MYRFL: variants seen among roughly 807,000 people sequenced by gnomAD.
MYRFL encodes the protein myelin regulatory factor like.
Under a neutral mutation model 109.4 loss-of-function variants are expected in MYRFL, and 88 were observed. The observed-to-expected ratio is 0.80, with a 90% CI of 0.68 to 0.96. The LOEUF (loss-of-function observed/expected upper bound fraction) is 0.96. Ranked by LOEUF, MYRFL falls within the 40% of genes least tolerant of loss-of-function variation. The pLI, the probability that MYRFL is intolerant of heterozygous loss-of-function variation, is 0.00. For synonymous variants in MYRFL, 324 were observed against 320.9 expected (o/e 1.01, Z -0.10); for missense variants, 957 against 954.9 (o/e 1.00, Z -0.03).
At chr12:69,929,687 G>A (rs1955212585) in intron 15 of MYRFL, among the ~76,000 whole-genome samples, 1 of 152,186 alleles carries the variant, frequency 6.6e-6, no homozygotes, top group South Asian at 2.1e-4. Context: ...TAAAAAGGAG[G>A]CAGCATAGCA....
At position 69,879,202 on chromosome 12, in the gene MYRFL, C is replaced by T. The variant is rs1251540048; in HGVS notation, c.213C>T (p.Cys71=). Reference sequence around the variant, plus strand: ...GCTTGTGTCTCTCCCCAGGTGCATGCTACCCAACCCTGAGGCCCACAGCTG... The same window carrying T: ...GCTTGTGTCTCTCCCCAGGTGCATGTTACCCAACCCTGAGGCCCACAGCTG... ...SCSPPQVKGA[C]YPTLRPTAGR... The change falls in exon 4 of 25, where the codon TGC becomes TGT. Residue 71 remains cysteine, a synonymous_variant. Transcript: ENST00000552032. 1.4e-6 allele frequency: 1 copy of T among 702,822 alleles called. No homozygotes were observed. Among genetic ancestry groups the T allele is most frequent in the Non-Finnish European group, 2.6e-6 (1 of 384,798 alleles). The allele number at this position is 702,822 out of a possible 1,614,324, so 43.5% of individuals were successfully genotyped here. A position where few individuals can be genotyped will look rare whatever the true frequency, so the allele number is the denominator to read the frequency against.
Position 69,891,637 on chromosome 12 carries a change from TTTTCTTTC to T in MYRFL, c.903+512_903+519del, listed in dbSNP as rs3970813. Among the ~76,000 whole-genome samples the T allele has an allele frequency of 3.3e-4, 18 of 53,788 alleles. 1 individual carries two copies. In the Admixed American group the frequency reaches 3.4e-3, roughly 10 times the overall value. The allele number at this position is 53,788 out of a possible 152,430, so 35.3% of individuals were successfully genotyped here. A position where few individuals can be genotyped will look rare whatever the true frequency, so the allele number is the denominator to read the frequency against. ...TTTCTTTCTTTCCTCCTTCCTTTCT[TTTTCTTTC>T]TTTCTTTCTTTCTTTCTTTCTTTCT... On this transcript the variant is annotated intron_variant, in intron 7 of 24. Transcript: ENST00000552032.
chr12:69,906,125 T>C (rs769922905), intron 11 of MYRFL, among the ~76,000 whole-genome samples: 3 of 152,182 alleles, frequency 2.0e-5, no homozygotes, highest in Non-Finnish European at 4.4e-5. Context: ...GGAAAATGGA[T>C]ATGGGCTGCT....
chr12:69,859,988 T>C (rs1389756724), intron 2 of MYRFL, among the ~76,000 whole-genome samples: 1 of 152,136 alleles, frequency 6.6e-6, no homozygotes, highest in Non-Finnish European at 1.5e-5. Flanking sequence ...TGTACAGACT[T>C]GTTACATAGA....
chr12:69,852,915 G>GATT (rs1173148817), intron 1 of MYRFL, among the ~76,000 whole-genome samples: 1 of 152,160 alleles, frequency 6.6e-6, no homozygotes, highest in Admixed American at 6.5e-5. Context: ...TAAGGTTATA[G>GATT]ATTAACAGCA....
chr12:69,862,918 G>T lies in MYRFL; in HGVS notation c.137+7548G>T, dbSNP rs537355240. 5.9e-5 allele frequency among the ~76,000 whole-genome samples: 9 copies of T among 152,134 alleles called. No homozygotes were observed. In the South Asian group the frequency reaches 1.9e-3, roughly 32 times the overall value. ...AGATAGCTGTTATTATTTTGAGATA[G>T]GTCCCATCAATACCTAATTTATTGA... On this transcript the variant is annotated intron_variant, in intron 2 of 24. Transcript: ENST00000552032.
At chr12:69,872,939 T>A (rs1885439563) in intron 2 of MYRFL, among the ~76,000 whole-genome samples, 1 of 152,194 alleles carries the variant, frequency 6.6e-6, no homozygotes, top group South Asian at 2.1e-4. Context: ...AATTTCTGCC[T>A]TTTAATGGGA....
chr12:69,832,388 T>C (rs1159277136), intron 1 of MYRFL, among the ~76,000 whole-genome samples: 1 of 152,188 alleles, frequency 6.6e-6, no homozygotes, highest in South Asian at 2.1e-4. Context: ...ATTAGCAGAA[T>C]CCTTGCCTTA....
At chr12:69,826,332 G>C (rs529647065) in intron 1 of MYRFL, among the ~76,000 whole-genome samples, 3 of 152,128 alleles carry the variant, frequency 2.0e-5, no homozygotes, top group African/African-American at 7.2e-5. Context: ...GGCCAAGTTG[G>C]TATTGTCTAC....
At chr12:69,830,784 C>T (rs1882584876) in intron 1 of MYRFL, among the ~76,000 whole-genome samples, 1 of 152,040 alleles carries the variant, frequency 6.6e-6, no homozygotes, top group South Asian at 2.1e-4. Flanking sequence ...TAGAGCTGAC[C>T]TTTGTCACCT....
chr12:69,860,016 G>A (rs1484654667), intron 2 of MYRFL, among the ~76,000 whole-genome samples: 1 of 152,012 alleles, frequency 6.6e-6, no homozygotes, highest in Non-Finnish European at 1.5e-5. Flanking sequence ...GTGCCTAGGT[G>A]GTTTGCTGCA....
intron 6 of MYRFL, among the ~76,000 whole-genome samples, chr12:69,888,764 G>C (rs1033869440): frequency 2.6e-5 from 4 of 152,144 alleles, no homozygotes; most frequent in Non-Finnish European, 5.9e-5. Flanking sequence ...TCTCAACTAA[G>C]ACGGTTCTTA....
intron 13 of MYRFL, among the ~76,000 whole-genome samples, chr12:69,916,495 G>T (rs917873803): frequency 3.3e-5 from 5 of 151,982 alleles, no homozygotes; most frequent in African/African-American, 1.2e-4. Context: ...TCTTCCTTTG[G>T]CAATATCTTT....
Position 69,865,191 on chromosome 12 carries a change from A to G in MYRFL, c.137+9821A>G, listed in dbSNP as rs1428874083. Among the ~76,000 whole-genome samples, 4 of 152,382 alleles carry G rather than the reference A, an allele frequency of 2.6e-5. No homozygotes were observed. The East Asian group carries it at 7.7e-4, about 29-fold the overall frequency. On this transcript the variant is annotated intron_variant, in intron 2 of 24. Transcript: ENST00000552032. ...AGTTTTATGTGATGCAGGAGTCTTC[A>G]GAAATGAAACCCAGAGACTCAGGGA... is the stretch of plus-strand genomic sequence containing the variant.
intron 19 of MYRFL, among the ~76,000 whole-genome samples, chr12:69,938,371 G>C (rs1319550761): frequency 6.6e-6 from 1 of 152,120 alleles, no homozygotes; most frequent in Non-Finnish European, 1.5e-5. Context: ...ATCCTGAATA[G>C]GAAGAGGTCG....
At chr12:69,949,425 G>C (rs1955917988) in intron 19 of MYRFL, among the ~76,000 whole-genome samples, 1 of 152,110 alleles carries the variant, frequency 6.6e-6, no homozygotes, top group South Asian at 2.1e-4. Context: ...TTTGGGTGAT[G>C]ACAGGAGCCT....
chr12:69,855,904 T>C (rs966302081), intron 2 of MYRFL, among the ~76,000 whole-genome samples: 1 of 152,156 alleles, frequency 6.6e-6, no homozygotes, highest in Non-Finnish European at 1.5e-5. Flanking sequence ...TGATTTCTGC[T>C]CTTATTTTCT....
chr12:69,866,642 A>G (rs1885033675), intron 2 of MYRFL, among the ~76,000 whole-genome samples: 1 of 152,166 alleles, frequency 6.6e-6, no homozygotes, highest in African/African-American at 2.4e-5. Flanking sequence ...TGTGTCTTCT[A>G]AAGATATCAG....
intron 11 of MYRFL, among the ~76,000 whole-genome samples, chr12:69,906,161 C>G (rs1267949473): frequency 1.3e-5 from 2 of 152,114 alleles, no homozygotes; most frequent in Non-Finnish European, 2.9e-5. Context: ...TTTCCTCACG[C>G]AGGAAACACA....
Sources: gnomAD v4.1 joint callset for allele counts (sites outside exome capture counted in the v4.1 genomes callset) on GRCh38, gnomAD v4.1.1 for gene constraint, MANE v1.5 for transcripts, NCBI Gene and HGNC (gene_info 2026-07-23, HGNC 2026-07-21) for gene names.